Variants in STXBP5 observed in about 807,000 individuals in gnomAD.
STXBP5 encodes the protein syntaxin-binding protein 5.
A neutral mutation model predicts 152.4 loss-of-function variants in STXBP5; 50 were observed. The observed-to-expected ratio is 0.33, with a 90% CI of 0.26 to 0.42. The LOEUF (loss-of-function observed/expected upper bound fraction) is 0.42. STXBP5 is among the 10% of genes least tolerant of loss of function. STXBP5 has a pLI of 1.00. For missense variants in STXBP5, 1,167 were observed against 1,388.6 expected (o/e 0.84, Z 2.54); for synonymous variants, 492 against 494.7 (o/e 0.99, Z 0.07).
At chr6:147,317,438 G>A (rs992002334) in intron 16 of STXBP5, among the ~76,000 whole-genome samples, 10 of 152,236 alleles carry the variant, frequency 6.6e-5, no homozygotes, top group African/African-American at 1.9e-4. Context: ...ATATGATTTT[G>A]TTCCCTAGGG....
At chr6:147,340,658 G>A (rs1305548521) in intron 21 of STXBP5, among the ~76,000 whole-genome samples, 1 of 151,968 alleles carries the variant, frequency 6.6e-6, no homozygotes, top group African/African-American at 2.4e-5. Context: ...ATTTTACCTT[G>A]CATGAAAGGG....
chr6:147,233,494 T>C (rs2115166540), intron 2 of STXBP5, among the ~76,000 whole-genome samples: 1 of 151,910 alleles, frequency 6.6e-6, no homozygotes, highest in East Asian at 1.9e-4. Context: ...GTATAATTTT[T>C]ATGATTTTCT....
At chr6:147,209,146 T>C (rs1230384417) in intron 2 of STXBP5, among the ~76,000 whole-genome samples, 1 of 152,076 alleles carries the variant, frequency 6.6e-6, no homozygotes, top group African/African-American at 2.4e-5. Context: ...CACAATGAGG[T>C]CATTATATAT....
chr6:147,284,620 A>C (rs552829539), intron 8 of STXBP5, among the ~76,000 whole-genome samples: 87 of 152,232 alleles, frequency 5.7e-4, no homozygotes, highest in Non-Finnish European at 3.5e-4. Context: ...ACTTGGTCTT[A>C]AAGGATGATA....
At chr6:147,304,577 A>G (rs1781995504) in intron 9 of STXBP5, among the ~76,000 whole-genome samples, 1 of 152,050 alleles carries the variant, frequency 6.6e-6, no homozygotes, top group East Asian at 1.9e-4. Flanking sequence ...GAGGGCCACC[A>G]TCCTCCAGAC....
intron 4 of STXBP5, among the ~76,000 whole-genome samples, chr6:147,251,329 G>A (rs1442368907): frequency 2.8e-5 from 3 of 108,012 alleles, no homozygotes; most frequent in East Asian, 8.4e-4. Context: ...ACGCCAACAG[G>A]GCCCTCCTGG....
chr6:147,329,041 G>A (rs1044131729), intron 18 of STXBP5, among the ~76,000 whole-genome samples: 5 of 151,750 alleles, frequency 3.3e-5, no homozygotes, highest in Non-Finnish European at 5.9e-5. Flanking sequence ...ATTTTTTGAA[G>A]ATAAAACCTT....
At chr6:147,211,790 A>G (rs1428901316) in intron 2 of STXBP5, among the ~76,000 whole-genome samples, 1 of 152,144 alleles carries the variant, frequency 6.6e-6, no homozygotes, top group African/African-American at 2.4e-5. Flanking sequence ...CATATTGTCC[A>G]GGCTGGTCTT....
intron 17 of STXBP5, 113 bp downstream of exon 17, chr6:147,325,197 T>C: frequency 9.2e-7 from 1 of 1,084,056 alleles, no homozygotes; most frequent in Non-Finnish European, 1.2e-6. Context: ...AATGGCATTC[T>C]ACAATTTTGA....
chr6:147,282,898 G>A (rs999758228), intron 8 of STXBP5, among the ~76,000 whole-genome samples: 8 of 152,202 alleles, frequency 5.3e-5, no homozygotes, highest in African/African-American at 1.7e-4. Flanking sequence ...TAGACCAGGG[G>A]TGCCTTCCTA....
At chr6:147,231,332 C>G (rs1777996905) in intron 2 of STXBP5, among the ~76,000 whole-genome samples, 1 of 151,714 alleles carries the variant, frequency 6.6e-6, no homozygotes, top group African/African-American at 2.4e-5. Context: ...CATAAATACG[C>G]CAGTGATAAT....
At chr6:147,256,073 ACT>A (rs1779348014) in intron 4 of STXBP5, among the ~76,000 whole-genome samples, 1 of 152,142 alleles carries the variant, frequency 6.6e-6, no homozygotes, top group Admixed American at 6.5e-5. Context: ...GTACAGACTT[ACT>A]GAGTTTTAGA....
chr6:147,277,638 A>G (rs1480231658), intron 7 of STXBP5, among the ~76,000 whole-genome samples: 1 of 152,106 alleles, frequency 6.6e-6, no homozygotes, highest in Admixed American at 6.5e-5. Flanking sequence ...ATTTGTATTG[A>G]TCTTAATTCC....
intron 22 of STXBP5, among the ~76,000 whole-genome samples, chr6:147,356,964 T>C (rs1784842860): frequency 6.6e-6 from 1 of 152,180 alleles, no homozygotes; most frequent in African/African-American, 2.4e-5. Flanking sequence ...GGTTTAGACA[T>C]TCTCAACTAT....
intron 19 of STXBP5, 121 bp from the exon 20 acceptor site, chr6:147,339,058 C>A: frequency 1.3e-6 from 1 of 789,314 alleles, no homozygotes; most frequent in Non-Finnish European, 2.0e-6. Flanking sequence ...TTCTTGTGGT[C>A]ACTAACATGA....
intron 27 of STXBP5, among the ~76,000 whole-genome samples, chr6:147,384,259 G>A (rs1464004925): frequency 6.6e-6 from 1 of 152,066 alleles, no homozygotes. Context: ...ATTAAATGGG[G>A]AGAAAAACAG....
chr6:147,345,569 G>T (rs1784288803), intron 21 of STXBP5, among the ~76,000 whole-genome samples: 1 of 151,976 alleles, frequency 6.6e-6, no homozygotes, highest in Admixed American at 6.6e-5. Flanking sequence ...TATTCTAATT[G>T]TTGAAACTCT....
chr6:147,302,495 A>G (rs1465031760), intron 9 of STXBP5, among the ~76,000 whole-genome samples: 1 of 152,154 alleles, frequency 6.6e-6, no homozygotes, highest in African/African-American at 2.4e-5. Context: ...CATTTCAAAC[A>G]CAAGCCAGGA....
chr6:147,305,432 A>AT (rs1054918781), intron 9 of STXBP5, among the ~76,000 whole-genome samples: 2 of 152,012 alleles, frequency 1.3e-5, no homozygotes, highest in African/African-American at 4.8e-5. Context: ...GGATTATTTC[A>AT]TTTTGATTTG....
Sources: gnomAD v4.1 joint callset for allele counts (sites outside exome capture counted in the v4.1 genomes callset) on GRCh38, gnomAD v4.1.1 for gene constraint, MANE v1.5 for transcripts, NCBI Gene and HGNC (gene_info 2026-07-23, HGNC 2026-07-21) for gene names.